AHCYL1: variants seen among roughly 807,000 people sequenced by gnomAD.
The protein encoded by AHCYL1 is S-adenosylhomocysteine hydrolase-like protein 1.
AHCYL1 carries 20 observed loss-of-function variants against 79.3 expected under a neutral mutation model. The observed-to-expected ratio is 0.25, with a 90% confidence interval of 0.18 to 0.37. AHCYL1 has a LOEUF of 0.37. Among genes scored for constraint, AHCYL1 ranks in the 10% least tolerant of loss-of-function variants. The probability of loss-of-function intolerance (pLI) is 1.00; values close to 1 mark genes in which losing one functional copy is unlikely to be tolerated. For missense variants in AHCYL1, 330 were observed against 673.6 expected, an observed-to-expected ratio of 0.49 and a Z score of 5.65; for synonymous variants, 223 against 242.2, an observed-to-expected ratio of 0.92 and a Z score of 0.74.
chr1:109,987,672 A>G (rs1570838986), intron 1 of AHCYL1, among the ~76,000 whole-genome samples: 1 of 152,232 alleles, frequency 6.6e-6, no homozygotes, highest in African/African-American at 2.4e-5. Flanking sequence ...ATGTCCATCA[A>G]TTAAAAGCAT....
rs945614444 is a variant in AHCYL1, at chr1:110,007,356, CTG to C, written c.121-1674_121-1673del. 5.9e-5 allele frequency among the ~76,000 whole-genome samples: 9 copies of C among 152,262 alleles called. No homozygotes were observed. The East Asian group carries it at 7.7e-4, about 13-fold the overall frequency. On this transcript the variant is annotated intron_variant, in intron 1 of 16. Transcript: ENST00000369799. ...TTAAGAGGGGTTGATGGTCTCTTGA[CTG>C]TGTATTTTTTTCCATCATCAAAATA...
At chr1:110,008,022 G>GTTTTTTT (rs5776999) in intron 1 of AHCYL1, among the ~76,000 whole-genome samples, 1 of 87,480 alleles carries the variant, frequency 1.1e-5, no homozygotes, top group Non-Finnish European at 2.3e-5. Flanking sequence ...TTTTTTTTGG[G>GTTTTTTT]TTTTTTTTTT....
intron 1 of AHCYL1, among the ~76,000 whole-genome samples, chr1:109,997,232 T>C (rs1283898484): frequency 1.3e-5 from 2 of 152,234 alleles, no homozygotes; most frequent in Non-Finnish European, 2.9e-5. Context: ...ATTTATGTTA[T>C]GAATTCCTAG....
chr1:110,010,937 A>G (rs554748323), intron 2 of AHCYL1, among the ~76,000 whole-genome samples: 4 of 152,316 alleles, frequency 2.6e-5, no homozygotes, highest in Admixed American at 2.6e-4. Flanking sequence ...TGGGATTACT[A>G]TAGCTGCAGG....
intron 1 of AHCYL1, among the ~76,000 whole-genome samples, chr1:110,006,105 C>T (rs1364819848): frequency 6.6e-6 from 1 of 152,136 alleles, no homozygotes; most frequent in East Asian, 1.9e-4. Context: ...TTTGGGTGTG[C>T]TATTTGAAGA....
intron 1 of AHCYL1, among the ~76,000 whole-genome samples, chr1:109,998,927 AG>A (rs894070335): frequency 6.6e-6 from 1 of 152,182 alleles, no homozygotes; most frequent in African/African-American, 2.4e-5. Flanking sequence ...TGAGGTGGGA[AG>A]ATTGCTCAAG....
At chr1:109,994,637 A>T (rs1649935157) in intron 1 of AHCYL1, among the ~76,000 whole-genome samples, 1 of 152,202 alleles carries the variant, frequency 6.6e-6, no homozygotes, top group African/African-American at 2.4e-5. Context: ...GAGATAGCAG[A>T]TGTATCCAGT....
intron 13 of AHCYL1, 62 bp downstream of exon 13, chr1:110,018,712 G>A (rs1345901261): frequency 2.1e-6 from 3 of 1,407,820 alleles, no homozygotes; most frequent in Non-Finnish European, 3.0e-6. Context: ...CTATGAGGGG[G>A]GAGGGGAGGG....
intron 1 of AHCYL1, among the ~76,000 whole-genome samples, chr1:110,007,433 C>T (rs1290134458): frequency 6.6e-6 from 1 of 152,164 alleles, no homozygotes; most frequent in Non-Finnish European, 1.5e-5. Flanking sequence ...TTAATTTCTT[C>T]AGCAAAACTA....
At chr1:109,988,249 A>G (rs1649572640) in intron 1 of AHCYL1, among the ~76,000 whole-genome samples, 1 of 152,214 alleles carries the variant, frequency 6.6e-6, no homozygotes, top group Non-Finnish European at 1.5e-5. Context: ...ATAATTTTTC[A>G]CGGGAATGTC....
chr1:109,996,689 G>T (rs1409869549), intron 1 of AHCYL1, among the ~76,000 whole-genome samples: 6 of 152,338 alleles, frequency 3.9e-5, no homozygotes, highest in Non-Finnish European at 8.8e-5. Context: ...CAGTAGGTTT[G>T]TTACACCAGC....
At chr1:110,012,748 C>T (rs987800830) in intron 4 of AHCYL1, 149 bp from the exon 5 acceptor site, 19 of 578,522 alleles carry the variant, frequency 3.3e-5, no homozygotes, top group Non-Finnish European at 5.3e-5. Context: ...TACCAGTGCA[C>T]CACCTCGCTG....
At chr1:110,006,333 T>G (rs555735621) in intron 1 of AHCYL1, among the ~76,000 whole-genome samples, 8 of 152,232 alleles carry the variant, frequency 5.3e-5, no homozygotes, top group Non-Finnish European at 7.3e-5. Flanking sequence ...ATCCTACTTT[T>G]TACTTAGGTG....
intron 6 of AHCYL1, 101 bp from the exon 7 acceptor site, chr1:110,015,324 A>G (rs1651346360): frequency 1.1e-6 from 1 of 930,204 alleles, no homozygotes; most frequent in East Asian, 2.4e-5. Context: ...GTACTCTTCC[A>G]AAACATACAG....
chr1:110,009,661 A>G (rs1002887415), intron 2 of AHCYL1, among the ~76,000 whole-genome samples: 5 of 152,340 alleles, frequency 3.3e-5, no homozygotes, highest in Admixed American at 2.6e-4. Flanking sequence ...GGAGCAGGAA[A>G]GATTCAGACT....
intron 1 of AHCYL1, among the ~76,000 whole-genome samples, chr1:109,991,722 G>A (rs1649767140): frequency 2.0e-5 from 3 of 152,258 alleles, no homozygotes; most frequent in African/African-American, 7.2e-5. Flanking sequence ...GATCCACAAT[G>A]ATGTGTGGCT....
At chr1:109,993,964 A>G (rs1649891900) in intron 1 of AHCYL1, among the ~76,000 whole-genome samples, 1 of 152,222 alleles carries the variant, frequency 6.6e-6, no homozygotes, top group South Asian at 2.1e-4. Flanking sequence ...TCTGAAAGTA[A>G]TAAACAACAG....
chr1:109,990,617 A>C (rs1204237755), intron 1 of AHCYL1, among the ~76,000 whole-genome samples: 5 of 152,208 alleles, frequency 3.3e-5, no homozygotes, highest in Non-Finnish European at 5.9e-5. Context: ...TTTTATATAG[A>C]GCTTACAGCT....
chr1:110,004,214 G>T (rs1481550175), intron 1 of AHCYL1: 19 of 985,534 alleles, frequency 1.9e-5, no homozygotes, highest in Non-Finnish European at 2.2e-5. Flanking sequence ...GTCGGCGGGG[G>T]AAGATATGTG....
Sources: allele counts gnomAD v4.1 joint callset (sites outside exome capture counted in the v4.1 genomes callset), GRCh38; gene constraint gnomAD v4.1.1; transcripts MANE v1.5; gene names NCBI Gene and HGNC (gene_info 2026-07-23, HGNC 2026-07-21).